CDC42SE2: variants seen among roughly 807,000 people sequenced by gnomAD.
CDC42SE2 encodes the protein CDC42 small effector 2.
A neutral mutation model predicts 11.5 loss-of-function variants in CDC42SE2; 3 were observed. The observed-to-expected ratio is 0.26, with a 90% CI of 0.12 to 0.67. The LOEUF is 0.67. Among genes scored for constraint, CDC42SE2 ranks in the 30% least tolerant of loss-of-function variants. CDC42SE2 has a pLI of 0.80. For missense variants in CDC42SE2, 82 were observed against 106.8 expected (o/e 0.77, Z 1.02); for synonymous variants, 33 against 34.8 (o/e 0.95, Z 0.18).
chr5:131,329,803 C>T lies in CDC42SE2; in HGVS notation c.-286+13659C>T, dbSNP rs545164062. On this transcript the variant is annotated intron_variant, in intron 2 of 4. Coordinates refer to ENST00000505065, the MANE Select transcript of CDC42SE2 (RefSeq NM_001375635.1). ...CTGAGGCAGGAGAATTGCTTGAACT[C>T]GGGAGGCAGAGGTTGTAGTGAGCTG... 3.6e-5 allele frequency among the ~76,000 whole-genome samples: 5 copies of T among 137,918 alleles called. No individual in the cohort carries two copies. The South Asian group carries it at 9.7e-4, about 27-fold the overall frequency. The allele number at this position is 137,918 out of a possible 152,430, so 90.5% of individuals were successfully genotyped here. A position where few individuals can be genotyped will look rare whatever the true frequency, so the allele number is the denominator to read the frequency against.
At chr5:131,324,498 T>A (rs1758257825) in intron 2 of CDC42SE2, among the ~76,000 whole-genome samples, 1 of 152,152 alleles carries the variant, frequency 6.6e-6, no homozygotes, top group South Asian at 2.1e-4. Context: ...TTAATAAGAA[T>A]TAGTTGTGCA....
chr5:131,215,330 G>T, the CDC42SE2 span, among the ~76,000 whole-genome samples: 15 of 152,186 alleles, frequency 9.9e-5, no homozygotes, highest in African/African-American at 3.4e-4. Flanking sequence ...ACAGATACTC[G>T]TTTTAGCTAG....
chr5:131,341,962 A>T (rs1758720995), intron 2 of CDC42SE2, among the ~76,000 whole-genome samples: 1 of 152,046 alleles, frequency 6.6e-6, no homozygotes, highest in Non-Finnish European at 1.5e-5. Context: ...GAGAAGTAGC[A>T]ATGGGCATCT....
At chr5:131,366,883 CTG>C (rs1161931782) in intron 3 of CDC42SE2, among the ~76,000 whole-genome samples, 3 of 151,740 alleles carry the variant, frequency 2.0e-5, no homozygotes, top group African/African-American at 7.3e-5. Flanking sequence ...TAAAAATTAG[CTG>C]TGTGTGGTAG....
intron 1 of CDC42SE2, among the ~76,000 whole-genome samples, chr5:131,285,166 T>C (rs991520233): frequency 6.6e-6 from 1 of 151,420 alleles, no homozygotes; most frequent in Admixed American, 6.6e-5. Flanking sequence ...TACACCTTTG[T>C]CCCAGCAACT....
intron 1 of CDC42SE2, among the ~76,000 whole-genome samples, chr5:131,300,614 T>C (rs1335968449): frequency 9.2e-5 from 14 of 151,866 alleles, no homozygotes; most frequent in Non-Finnish European, 1.9e-4. Flanking sequence ...GAAACCTGTC[T>C]CTACTAAAAA....
At chr5:131,302,557 C>A (rs927710112) in intron 1 of CDC42SE2, among the ~76,000 whole-genome samples, 3 of 152,000 alleles carry the variant, frequency 2.0e-5, no homozygotes, top group African/African-American at 7.3e-5. Context: ...CTCAAGTGAT[C>A]CACCCACCTC....
chr5:131,332,589 G>A (rs1206290365), intron 2 of CDC42SE2, among the ~76,000 whole-genome samples: 6 of 152,062 alleles, frequency 3.9e-5, no homozygotes, highest in Non-Finnish European at 4.4e-5. Context: ...CACCAACAGT[G>A]TAAAAGTGTT....
chr5:131,272,315 C>T (rs1268980135), intron 1 of CDC42SE2, among the ~76,000 whole-genome samples: 1 of 152,150 alleles, frequency 6.6e-6, no homozygotes, highest in Non-Finnish European at 1.5e-5. Context: ...GCCACTGCAC[C>T]TGGCCTAATC....
At chr5:131,254,360 G>A (rs1242356771) in intron 1 of CDC42SE2, among the ~76,000 whole-genome samples, 2 of 152,068 alleles carry the variant, frequency 1.3e-5, no homozygotes, top group African/African-American at 4.8e-5. Context: ...TGGCCAACAT[G>A]GCGAAACTCC....
rs778941777 is a variant in CDC42SE2 at position 131,385,664 on chromosome 5, A to G, written c.156+20A>G. ...AATTCAGTAAGTATGTTGGTGGGAC[A>G]TGCAGGTAGGGCATTGGGGCATAGT... On this transcript the variant is annotated intron_variant, in intron 4 of 4. Transcript: ENST00000505065. The G allele has an allele frequency of 3.3e-6, 5 of 1,506,444 alleles. No homozygotes were observed. The allele number at this position is 1,506,444 out of a possible 1,614,324, so 93.3% of individuals were successfully genotyped here.
intron 2 of CDC42SE2, among the ~76,000 whole-genome samples, chr5:131,343,036 G>T (rs1193822047): frequency 6.6e-6 from 1 of 152,116 alleles, no homozygotes; most frequent in Non-Finnish European, 1.5e-5. Context: ...TAACAGTAAA[G>T]ATTTGCTTAA....
chr5:131,370,482 CTT>C (rs1335026066), intron 3 of CDC42SE2, among the ~76,000 whole-genome samples: 9 of 142,614 alleles, frequency 6.3e-5, no homozygotes, highest in Non-Finnish European at 6.2e-5. Context: ...TTTATTTTAC[CTT>C]TTTTTTTTTT....
intron 2 of CDC42SE2, among the ~76,000 whole-genome samples, chr5:131,338,803 T>C (rs1758639049): frequency 6.6e-6 from 1 of 152,160 alleles, no homozygotes; most frequent in South Asian, 2.1e-4. Context: ...GATCCAAATA[T>C]GTACCTACAT....
At chr5:131,354,934 C>T (rs1268014270) in intron 2 of CDC42SE2, among the ~76,000 whole-genome samples, 1 of 152,180 alleles carries the variant, frequency 6.6e-6, no homozygotes, top group East Asian at 1.9e-4. Flanking sequence ...CCTCATGCTT[C>T]AGCTGCGCCA....
rs1317918969 is a variant in CDC42SE2, at chr5:131,346,027, A to G, written c.-285-13182A>G. 3.3e-5 allele frequency among the ~76,000 whole-genome samples: 5 copies of G among 152,362 alleles called. No individual in the cohort carries two copies. The East Asian group carries it at 9.6e-4, about 29-fold the overall frequency. On this transcript the variant is annotated intron_variant, in intron 2 of 4. Coordinates refer to ENST00000505065, the MANE Select transcript of CDC42SE2 (RefSeq NM_001375635.1). Reference sequence around the variant, plus strand: ...CTCAACATGGAAAGGAGCAACTGGTACCACCAGCCACTGCAAAAACATGCC... The same window carrying G: ...CTCAACATGGAAAGGAGCAACTGGTGCCACCAGCCACTGCAAAAACATGCC...
rs141284582 is a variant in CDC42SE2 at position 131,296,264 on chromosome 5, A to G, written c.-454-19712A>G. On this transcript the variant is annotated intron_variant, in intron 1 of 4. Coordinates refer to ENST00000505065, the MANE Select transcript of CDC42SE2 (RefSeq NM_001375635.1). ...TTGATTGGGTAATGGATTATAGTGA[A>G]CATGATTATAACACTTAGATTTGTG... Among the ~76,000 whole-genome samples, 742 of 152,326 alleles carry G rather than the reference A, an allele frequency of 4.9e-3. 4 individuals carry two copies. The highest frequency in any genetic ancestry group is 0.016 in the African/African-American group (680 of 41,582).
At chr5:131,291,277 A>AC (rs1479424310) in intron 1 of CDC42SE2, among the ~76,000 whole-genome samples, 1 of 152,070 alleles carries the variant, frequency 6.6e-6, no homozygotes, top group East Asian at 1.9e-4. Flanking sequence ...GTGGTTCCCT[A>AC]CCCTGGCAGT....
chr5:131,275,503 A>T (rs1406236998), intron 1 of CDC42SE2, among the ~76,000 whole-genome samples: 1 of 152,112 alleles, frequency 6.6e-6, no homozygotes, highest in African/African-American at 2.4e-5. Flanking sequence ...CATATTGGCC[A>T]GGCTGGTCTC....
Sources: allele counts gnomAD v4.1 joint callset (sites outside exome capture counted in the v4.1 genomes callset), GRCh38; gene constraint gnomAD v4.1.1; transcripts MANE v1.5; gene names NCBI Gene and HGNC (gene_info 2026-07-23, HGNC 2026-07-21).